The following ADAMTS18 variants were observed in gnomAD, a reference collection of about 807,000 sequenced individuals.
ADAMTS18 encodes the protein A disintegrin and metalloproteinase with thrombospondin motifs 18.
ADAMTS18 carries 157 observed loss-of-function variants against 165.9 expected under a neutral mutation model. The ratio of observed to expected loss-of-function variants is 0.95; its 90% CI spans 0.83 to 1.08. The LOEUF (loss-of-function observed/expected upper bound fraction) is 1.08. ADAMTS18 is among the 50% of genes least tolerant of loss of function. ADAMTS18 has a pLI of 0.00. For synonymous variants in ADAMTS18, 782 were observed against 578.2 expected (o/e 1.35, Z -5.06); for missense variants, 2,040 against 1,534.0 (o/e 1.33, Z -5.51).
chr16:77,411,172 C>G (rs1466873594), intron 3 of ADAMTS18, among the ~76,000 whole-genome samples: 1 of 152,186 alleles, frequency 6.6e-6, no homozygotes, highest in African/African-American at 2.4e-5. Flanking sequence ...ATCATTCCAC[C>G]TTGCCACAGG....
chr16:77,300,046 C>G, intron 17 of ADAMTS18: 1 of 523,626 alleles, frequency 1.9e-6, no homozygotes, highest in Non-Finnish European at 3.4e-6. Context: ...ACTTTTGAGC[C>G]TTGGTTGTGG....
chr16:77,353,639 C>G, intron 10 of ADAMTS18, 94 bp downstream of exon 10: 1 of 1,567,332 alleles, frequency 6.4e-7, no homozygotes, highest in Non-Finnish European at 8.8e-7. Context: ...GAACCTAACC[C>G]TTGGCCTTGG....
intron 16 of ADAMTS18, among the ~76,000 whole-genome samples, chr16:77,301,209 C>A (rs183175090): frequency 9.9e-5 from 15 of 151,936 alleles, no homozygotes; most frequent in African/African-American, 3.4e-4. Flanking sequence ...AAGCACTCTG[C>A]AGCCATTCTT....
intron 12 of ADAMTS18, among the ~76,000 whole-genome samples, chr16:77,329,104 C>T (rs896371462): frequency 4.0e-4 from 58 of 145,612 alleles, no homozygotes; most frequent in Non-Finnish European, 8.0e-4. Context: ...GAGATTCTCT[C>T]TTTTTTTTTT....
intron 13 of ADAMTS18, among the ~76,000 whole-genome samples, chr16:77,322,962 G>A (rs1192433996): frequency 6.6e-6 from 1 of 152,002 alleles, no homozygotes; most frequent in African/African-American, 2.4e-5. Context: ...AGGCACCAGG[G>A]AGAAAAGGCA....
At chr16:77,423,736 T>C (rs73635350) in intron 3 of ADAMTS18, among the ~76,000 whole-genome samples, 2,196 of 152,232 alleles carry the variant, frequency 0.014, 51 homozygotes, top group African/African-American at 0.05. Context: ...ATTCTTTTTC[T>C]CTCATTTTAT....
At chr16:77,410,589 C>A (rs550556061) in intron 3 of ADAMTS18, among the ~76,000 whole-genome samples, 1 of 152,124 alleles carries the variant, frequency 6.6e-6, no homozygotes, top group African/African-American at 2.4e-5. Flanking sequence ...ATAATTTGCA[C>A]AAGAACACAA....
At chr16:77,406,752 A>G (rs2057398135) in intron 3 of ADAMTS18, among the ~76,000 whole-genome samples, 1 of 152,142 alleles carries the variant, frequency 6.6e-6, no homozygotes, top group Admixed American at 6.6e-5. Context: ...AATTTTGTAC[A>G]TACACACACA....
chr16:77,364,110 C>T, intron 5 of ADAMTS18, 78 bp downstream of exon 5: 1 of 1,565,200 alleles, frequency 6.4e-7, no homozygotes, highest in Middle Eastern at 1.7e-4. Flanking sequence ...AATACACCTG[C>T]TATTCAACCC....
chr16:77,383,062 C>G (rs2057054975), intron 3 of ADAMTS18, among the ~76,000 whole-genome samples: 1 of 152,180 alleles, frequency 6.6e-6, no homozygotes, highest in Non-Finnish European at 1.5e-5. Flanking sequence ...AGAATACTGA[C>G]AAATTGCGAT....
chr16:77,315,612 G>C (rs897603957), intron 16 of ADAMTS18, among the ~76,000 whole-genome samples: 1 of 152,066 alleles, frequency 6.6e-6, no homozygotes, highest in Non-Finnish European at 1.5e-5. Context: ...GCACAAGCAC[G>C]CCTCTCCGTG....
At chr16:77,354,092 C>T (rs1356691297) in intron 9 of ADAMTS18, among the ~76,000 whole-genome samples, 1 of 152,162 alleles carries the variant, frequency 6.6e-6, no homozygotes, top group Non-Finnish European at 1.5e-5. Flanking sequence ...AAGGGTTTTA[C>T]AGGATGCTGA....
chr16:77,323,729 C>T (rs931550739), intron 13 of ADAMTS18, among the ~76,000 whole-genome samples: 1 of 152,146 alleles, frequency 6.6e-6, no homozygotes, highest in Non-Finnish European at 1.5e-5. Context: ...ACATTCAAGT[C>T]ATGGTCAGTC....
intron 13 of ADAMTS18, among the ~76,000 whole-genome samples, chr16:77,325,343 T>C (rs948704366): frequency 6.6e-6 from 1 of 152,138 alleles, no homozygotes; most frequent in African/African-American, 2.4e-5. Context: ...AAAAGTAAAA[T>C]ATAAGCCATA....
At chr16:77,291,638 C>T (rs972364367) in intron 20 of ADAMTS18, among the ~76,000 whole-genome samples, 160 bp from the exon 21 acceptor site, 1 of 152,202 alleles carries the variant, frequency 6.6e-6, no homozygotes, top group Non-Finnish European at 1.5e-5. Flanking sequence ...GATACAGCAG[C>T]CAAGTACCTC....
At chr16:77,401,998 A>G (rs35042638) in intron 3 of ADAMTS18, among the ~76,000 whole-genome samples, 18,550 of 152,116 alleles carry the variant, frequency 0.12, 1,423 homozygotes, top group East Asian at 0.23. Context: ...AGGTCAAATC[A>G]CATCACTATC....
chr16:77,340,339 A>G (rs1005108553), intron 11 of ADAMTS18, among the ~76,000 whole-genome samples: 1 of 151,874 alleles, frequency 6.6e-6, no homozygotes, highest in Non-Finnish European at 1.5e-5. Flanking sequence ...CACGCCCAGC[A>G]AATTTTTGTA....
At chr16:77,430,621 TTTGA>T (rs1329803314) in intron 3 of ADAMTS18, among the ~76,000 whole-genome samples, 1 of 152,218 alleles carries the variant, frequency 6.6e-6, no homozygotes, top group African/African-American at 2.4e-5. Context: ...GCCTCGTATA[TTTGA>T]TTGAATCCTG....
rs778182872 is a variant in ADAMTS18, at chr16:77,293,046, C to A, written c.3189+30G>T. Reference sequence around the variant, plus strand: ...GTGTTAGCCAGGATGGTCTCAATCTCCTGACCCAGCAGTGACTTCTAATCC... The same window carrying A: ...GTGTTAGCCAGGATGGTCTCAATCTACTGACCCAGCAGTGACTTCTAATCC... On this transcript the variant is annotated intron_variant, in intron 20 of 22. Transcript: ENST00000282849. 37 of 1,613,570 alleles carry A rather than the reference C, an allele frequency of 2.3e-5. No homozygotes were observed. In the Middle Eastern group the frequency reaches 4.9e-4, roughly 22 times the overall value.
Sources: allele counts gnomAD v4.1 joint callset (sites outside exome capture counted in the v4.1 genomes callset), GRCh38; gene constraint gnomAD v4.1.1; transcripts MANE v1.5; gene names NCBI Gene and HGNC (gene_info 2026-07-23, HGNC 2026-07-21).